Variants in ARHGAP26 observed in about 807,000 individuals in gnomAD.
ARHGAP26 encodes Rho GTPase activating protein 26.
A neutral mutation model predicts 104.8 loss-of-function variants in ARHGAP26; 38 were observed. The ratio of observed to expected loss-of-function variants is 0.36; its 90% CI spans 0.28 to 0.48. ARHGAP26 has a LOEUF of 0.48. Ranked by LOEUF, ARHGAP26 falls within the 20% of genes least tolerant of loss-of-function variation. The pLI, the probability that ARHGAP26 is intolerant of heterozygous loss-of-function variation, is 0.99. For missense variants in ARHGAP26, 704 were observed against 947.9 expected, an observed-to-expected ratio of 0.74 and a Z score of 3.38; for synonymous variants, 341 against 340.0, an observed-to-expected ratio of 1.00 and a Z score of -0.03.
intron 10 of ARHGAP26, among the ~76,000 whole-genome samples, chr5:142,924,070 G>A (rs928255383): frequency 6.6e-6 from 1 of 151,992 alleles, no homozygotes; most frequent in African/African-American, 2.4e-5. Context: ...CACCGTGTTA[G>A]CCAGGATGGT....
At chr5:143,082,891 G>GT (rs1397225060) in intron 17 of ARHGAP26, among the ~76,000 whole-genome samples, 8 of 152,142 alleles carry the variant, frequency 5.3e-5, no homozygotes, top group Non-Finnish European at 1.2e-4. Flanking sequence ...AACGTCACGG[G>GT]TTTTTGAGTT....
chr5:143,052,651 G>T (rs185123694), intron 14 of ARHGAP26, among the ~76,000 whole-genome samples: 4 of 152,194 alleles, frequency 2.6e-5, no homozygotes, highest in Admixed American at 1.3e-4. Flanking sequence ...TATGTGTCAG[G>T]GGAACACACG....
At chr5:143,186,015 G>A (rs1335463016) in intron 20 of ARHGAP26, among the ~76,000 whole-genome samples, 1 of 152,206 alleles carries the variant, frequency 6.6e-6, no homozygotes, top group African/African-American at 2.4e-5. Flanking sequence ...GAAGTAAGAA[G>A]TTAAGAGGCC....
At chr5:142,801,609 A>AG (rs1038443617) in intron 1 of ARHGAP26, among the ~76,000 whole-genome samples, 1 of 150,658 alleles carries the variant, frequency 6.6e-6, no homozygotes, top group African/African-American at 2.4e-5. Context: ...GATTTAGTAG[A>AG]GGGTTTTTTT....
chr5:143,215,449 A>G lies in ARHGAP26; in HGVS notation c.2191+1361A>G, dbSNP rs74292677. ...CTTTTGGTGAGTGCAGCCTTCTTCCATTTTTTAACGGTTTATTAAGATAGC... is the reference window on the plus strand; with the variant it reads ...CTTTTGGTGAGTGCAGCCTTCTTCCGTTTTTTAACGGTTTATTAAGATAGC... On this transcript the variant is annotated intron_variant, in intron 22 of 22. Transcript: ENST00000645722. Among the ~76,000 whole-genome samples, 303 of 152,262 alleles carry G rather than the reference A, an allele frequency of 2.0e-3. 9 individuals carry two copies. In the East Asian group the frequency reaches 0.053, roughly 27 times the overall value.
At chr5:143,204,888 G>T (rs1254867373) in intron 20 of ARHGAP26, among the ~76,000 whole-genome samples, 1 of 152,058 alleles carries the variant, frequency 6.6e-6, no homozygotes, top group African/African-American at 2.4e-5. Flanking sequence ...CAAGCCCCTG[G>T]GTCTGGGCTG....
At chr5:142,804,174 A>G (rs1283380157) in intron 1 of ARHGAP26, among the ~76,000 whole-genome samples, 3 of 152,294 alleles carry the variant, frequency 2.0e-5, no homozygotes, top group African/African-American at 4.8e-5. Context: ...AATTGCCAGT[A>G]TGTAACAATT....
At chr5:142,802,491 C>T (rs1413187521) in intron 1 of ARHGAP26, among the ~76,000 whole-genome samples, 1 of 152,080 alleles carries the variant, frequency 6.6e-6, no homozygotes, top group African/African-American at 2.4e-5. Context: ...TTTTGTTCAA[C>T]GTAGTTTTTA....
At chr5:143,194,108 G>A (rs1806414484) in intron 20 of ARHGAP26, 1 of 152,182 alleles carries the variant, frequency 6.6e-6, no homozygotes, top group Non-Finnish European at 1.5e-5. Context: ...TTCTCCAAGT[G>A]AACCAGAAGA....
At chr5:143,010,691 C>T (rs1353115881) in intron 11 of ARHGAP26, 1 of 152,252 alleles carries the variant, frequency 6.6e-6, no homozygotes, top group African/African-American at 2.4e-5. Flanking sequence ...TATCCTTCTC[C>T]AATTCAGGGA....
intron 1 of ARHGAP26, among the ~76,000 whole-genome samples, chr5:142,836,154 A>G (rs1769517145): frequency 6.6e-6 from 1 of 152,164 alleles, no homozygotes; most frequent in Non-Finnish European, 1.5e-5. Context: ...CTAATGTTTA[A>G]TTCTGGGTCC....
intron 20 of ARHGAP26, among the ~76,000 whole-genome samples, chr5:143,191,624 AT>A (rs1329938305): frequency 6.6e-6 from 1 of 152,230 alleles, no homozygotes; most frequent in Non-Finnish European, 1.5e-5. Context: ...TTAAGAAAAT[AT>A]GTATTAAAAT....
intron 17 of ARHGAP26, among the ~76,000 whole-genome samples, chr5:143,069,732 T>C (rs1295525255): frequency 6.6e-6 from 1 of 152,246 alleles, no homozygotes; most frequent in Non-Finnish European, 1.5e-5. Flanking sequence ...ATTCCTGTTT[T>C]ATATTAGAAG....
intron 20 of ARHGAP26, among the ~76,000 whole-genome samples, chr5:143,190,251 A>G (rs1050958034): frequency 6.6e-6 from 1 of 152,204 alleles, no homozygotes; most frequent in Non-Finnish European, 1.5e-5. Flanking sequence ...TTTTGAGGAA[A>G]TTTGCTCATA....
chr5:143,120,955 C>T, intron 17 of ARHGAP26, 33 bp from the exon 18 acceptor site: 1 of 1,596,790 alleles, frequency 6.3e-7, no homozygotes, highest in Non-Finnish European at 8.5e-7. Context: ...CACGATTTGT[C>T]TCATTGGTAC....
intron 14 of ARHGAP26, among the ~76,000 whole-genome samples, chr5:143,049,519 A>G (rs1784687935): frequency 6.6e-6 from 1 of 152,138 alleles, no homozygotes; most frequent in African/African-American, 2.4e-5. Flanking sequence ...TTTTACTTAT[A>G]TGACAGAGCT....
chr5:143,021,231 T>C (rs751649226), intron 12 of ARHGAP26, among the ~76,000 whole-genome samples: 7 of 152,252 alleles, frequency 4.6e-5, no homozygotes, highest in Non-Finnish European at 8.8e-5. Context: ...TAACTGGCAT[T>C]ATGTTGAATA....
chr5:142,831,041 G>A (rs1178880814), intron 1 of ARHGAP26, among the ~76,000 whole-genome samples: 1 of 152,164 alleles, frequency 6.6e-6, no homozygotes, highest in Non-Finnish European at 1.5e-5. Context: ...TGTTTGTGGG[G>A]ACTAAAGATG....
chr5:143,119,862 G>A (rs775074518), intron 17 of ARHGAP26, among the ~76,000 whole-genome samples: 4 of 151,210 alleles, frequency 2.6e-5, no homozygotes, highest in African/African-American at 4.9e-5. Flanking sequence ...AAAAACCAGC[G>A]CTTAAGGCAG....
Sources: gnomAD v4.1 joint callset for allele counts (sites outside exome capture counted in the v4.1 genomes callset) on GRCh38, gnomAD v4.1.1 for gene constraint, MANE v1.5 for transcripts, NCBI Gene and HGNC (gene_info 2026-07-23, HGNC 2026-07-21) for gene names.